CYRIB: variants seen among roughly 807,000 people sequenced by gnomAD.
CYRIB encodes CYFIP-related Rac1 interactor B.
A neutral mutation model predicts 44.2 loss-of-function variants in CYRIB; 8 were observed. The ratio of observed to expected loss-of-function variants is 0.18; its 90% CI spans 0.11 to 0.33. The LOEUF (loss-of-function observed/expected upper bound fraction) is 0.33, where lower values mean the gene tolerates loss of function less well. CYRIB is among the 10% of genes least tolerant of loss of function. The pLI is 1.00. For missense variants in CYRIB, 185 were observed against 382.8 expected (o/e 0.48, Z 4.31); for synonymous variants, 131 against 127.2 (o/e 1.03, Z -0.20).
At chr8:129,848,885 T>C (rs2041847462) in intron 10 of CYRIB, among the ~76,000 whole-genome samples, 1 of 152,214 alleles carries the variant, frequency 6.6e-6, no homozygotes, top group Admixed American at 6.5e-5. Context: ...CTACTGACTT[T>C]TTATATGCAT....
At chr8:129,931,260 GAAAAT>G (rs2091210426) in intron 1 of CYRIB, among the ~76,000 whole-genome samples, 1 of 152,088 alleles carries the variant, frequency 6.6e-6, no homozygotes, top group South Asian at 2.1e-4. Flanking sequence ...AAGCCTCCCT[GAAAAT>G]GTTCTTAATT....
chr8:129,906,461 T>C (rs1290488597), intron 1 of CYRIB, among the ~76,000 whole-genome samples: 1 of 152,214 alleles, frequency 6.6e-6, no homozygotes, highest in African/African-American at 2.4e-5. Flanking sequence ...TCAAGATGGA[T>C]TAAAGACTTA....
intron 1 of CYRIB, among the ~76,000 whole-genome samples, chr8:129,988,209 C>T (rs977476370): frequency 6.6e-6 from 1 of 152,198 alleles, no homozygotes; most frequent in Non-Finnish European, 1.5e-5. Flanking sequence ...GCCTCTTTCT[C>T]GATCTTCAGG....
intron 2 of CYRIB, among the ~76,000 whole-genome samples, chr8:129,894,937 A>T (rs1479916278): frequency 1.4e-5 from 2 of 147,474 alleles, no homozygotes; most frequent in Non-Finnish European, 3.0e-5. Flanking sequence ...ATATTTTTTT[A>T]ATTAATTTAT....
intron 1 of CYRIB, among the ~76,000 whole-genome samples, chr8:130,012,050 C>T (rs1296883187): frequency 6.6e-6 from 1 of 152,018 alleles, no homozygotes; most frequent in Non-Finnish European, 1.5e-5. Flanking sequence ...CCCGCAATTC[C>T]TTTAATGATT....
chr8:129,957,892 G>A (rs1027504375), intron 2 of CYRIB, among the ~76,000 whole-genome samples: 2 of 150,820 alleles, frequency 1.3e-5, no homozygotes, highest in African/African-American at 4.9e-5. Context: ...GTGAACCTGG[G>A]AGGCAGAGCT....
intron 3 of CYRIB, among the ~76,000 whole-genome samples, chr8:129,877,648 CAAA>C (rs34206018): frequency 3.2e-5 from 4 of 124,008 alleles, no homozygotes; most frequent in Admixed American, 8.1e-5. Context: ...GACCTCATAT[CAAA>C]AAAAAAAAAA....
At chr8:129,867,035 TCC>T (rs2054017815) in intron 4 of CYRIB, among the ~76,000 whole-genome samples, 1 of 152,234 alleles carries the variant, frequency 6.6e-6, no homozygotes, top group Non-Finnish European at 1.5e-5. Flanking sequence ...ACGCCTGTAA[TCC>T]TAGCACTTTG....
Position 129,931,992 on chromosome 8 carries a change from ATCT to A in CYRIB, c.-50+7613_-50+7615del, listed in dbSNP as rs1425418325. 8.8e-5 allele frequency among the ~76,000 whole-genome samples: 13 copies of A among 147,708 alleles called. No individual in the cohort carries two copies. In the South Asian group the frequency reaches 2.2e-3, roughly 24 times the overall value. ...TGTTAGGAAATAATTCTTCATAAGTATCTTCTTTTTTTTTTTTTTTTTTGAGAT... is the reference window on the plus strand; with the variant it reads ...TGTTAGGAAATAATTCTTCATAAGTATCTTTTTTTTTTTTTTTTTTGAGAT... On this transcript the variant is annotated intron_variant, in intron 1 of 11. Transcript: ENST00000519824.
At chr8:129,951,029 A>C (rs2094473255) in intron 2 of CYRIB, among the ~76,000 whole-genome samples, 1 of 152,114 alleles carries the variant, frequency 6.6e-6, no homozygotes, top group Non-Finnish European at 1.5e-5. Context: ...TCCTGGCCAG[A>C]CAGGGTGGCT....
intron 1 of CYRIB, among the ~76,000 whole-genome samples, chr8:130,012,127 A>C (rs2097237190): frequency 6.6e-6 from 1 of 152,052 alleles, no homozygotes; most frequent in African/African-American, 2.4e-5. Context: ...CCTCCTCATC[A>C]ACTTCGATTA....
At chr8:129,931,094 TGGAA>T (rs773996067) in intron 1 of CYRIB, among the ~76,000 whole-genome samples, 98 of 151,908 alleles carry the variant, frequency 6.5e-4, no homozygotes, top group Non-Finnish European at 1.3e-3. Flanking sequence ...AGAAAATAAC[TGGAA>T]GGGAGGATAA....
In CYRIB at chr8:129,977,667, G is replaced by A. The variant is rs557772074; in HGVS notation, c.-295-6672C>T. On this transcript the variant is annotated intron_variant, in intron 1 of 14. Transcript: ENST00000401979. ...CTGCCTCAGCCTCCCAAGTAGCCGG[G>A]ACTACAGGCGCCCGCCACCACGCCC... 2.6e-5 allele frequency among the ~76,000 whole-genome samples: 4 copies of A among 152,202 alleles called. No homozygotes were observed. The South Asian group carries it at 6.2e-4, about 24-fold the overall frequency.
intron 4 of CYRIB, chr8:129,864,752 C>A (rs564238397): frequency 1.7e-5 from 6 of 363,212 alleles, no homozygotes; most frequent in Non-Finnish European, 3.2e-5. Context: ...TCAAAGCCTT[C>A]GGTACATTGC....
intron 1 of CYRIB, among the ~76,000 whole-genome samples, chr8:129,938,999 G>A (rs893241843): frequency 6.6e-6 from 1 of 152,136 alleles, no homozygotes; most frequent in African/African-American, 2.4e-5. Flanking sequence ...GACTTTAAAC[G>A]CTGATCATTA....
chr8:129,920,631 G>T (rs750476229), intron 1 of CYRIB, among the ~76,000 whole-genome samples: 8 of 152,160 alleles, frequency 5.3e-5, no homozygotes, highest in African/African-American at 1.9e-4. Flanking sequence ...AGGTATTTCA[G>T]ACTGGAAAAG....
At chr8:129,917,326 C>T (rs754858049) in intron 1 of CYRIB, among the ~76,000 whole-genome samples, 1 of 152,202 alleles carries the variant, frequency 6.6e-6, no homozygotes, top group Non-Finnish European at 1.5e-5. Context: ...CACACAACCA[C>T]TGAACTAGCA....
At chr8:129,962,711 A>G (rs1411370254) in intron 2 of CYRIB, among the ~76,000 whole-genome samples, 2 of 151,624 alleles carry the variant, frequency 1.3e-5, no homozygotes, top group African/African-American at 2.4e-5. Context: ...ATCTGTTAAA[A>G]CCCCACTCGG....
intron 3 of CYRIB, among the ~76,000 whole-genome samples, chr8:129,874,841 G>T (rs2133540522): frequency 6.6e-6 from 1 of 152,158 alleles, no homozygotes; most frequent in Non-Finnish European, 1.5e-5. Flanking sequence ...AGTTAGAGTA[G>T]GTCCCAATAT....
Sources: allele counts gnomAD v4.1 joint callset (sites outside exome capture counted in the v4.1 genomes callset), GRCh38; gene constraint gnomAD v4.1.1; transcripts MANE v1.5; gene names NCBI Gene and HGNC (gene_info 2026-07-23, HGNC 2026-07-21).